The following DCAF8L2 variants were observed in gnomAD, a reference collection of about 807,000 sequenced individuals.
The protein encoded by DCAF8L2 is DDB1 and CUL4 associated factor 8 like 2.
For synonymous variants in DCAF8L2, 200 were observed against 190.9 expected, an observed-to-expected ratio of 1.05 and a Z score of -0.39; for missense variants, 430 against 490.7, an observed-to-expected ratio of 0.88 and a Z score of 1.17.
At chrX:27,660,572 G>T (rs1929522467) in intron 2 of DCAF8L2, among the ~76,000 whole-genome samples, 1 of 111,877 alleles carries the variant, frequency 8.9e-6, no homozygotes, top group Non-Finnish European at 1.9e-5. Flanking sequence ...TCCTGTGGAG[G>T]CTGTGGAGTG....
intron 2 of DCAF8L2, among the ~76,000 whole-genome samples, chrX:27,664,417 A>G (rs1377312223): frequency 8.9e-6 from 1 of 111,930 alleles, no homozygotes. Context: ...GAAGAAGAAA[A>G]GCTGGAAGCT....
At chrX:27,653,674 T>C (rs1602701722) in intron 2 of DCAF8L2, among the ~76,000 whole-genome samples, 1 of 108,673 alleles carries the variant, frequency 9.2e-6, no homozygotes, top group East Asian at 2.9e-4. Flanking sequence ...TATACATATA[T>C]AGAACTTTTA....
intron 3 of DCAF8L2, among the ~76,000 whole-genome samples, chrX:27,681,579 A>AATATTTTG (rs1411718232): frequency 8.9e-6 from 1 of 112,390 alleles, no homozygotes; most frequent in Non-Finnish European, 1.9e-5. Flanking sequence ...ATTTTGTTAC[A>AATATTTTG]TAAAATATAT....
intron 1 of DCAF8L2, among the ~76,000 whole-genome samples, chrX:27,623,612 C>CA (rs768308912): frequency 1.5e-4 from 16 of 107,403 alleles, no homozygotes; most frequent in South Asian, 1.2e-3. Flanking sequence ...TTACTGCCTA[C>CA]AAAAAAAAAT....
chrX:27,552,038 G>C, the DCAF8L2 span, among the ~76,000 whole-genome samples: 2 of 111,490 alleles, frequency 1.8e-5, no homozygotes, highest in Non-Finnish European at 3.8e-5. Flanking sequence ...TCTAACTGGG[G>C]TGCAGTGGTA....
the DCAF8L2 span, among the ~76,000 whole-genome samples, chrX:27,550,165 C>T: frequency 4.5e-5 from 5 of 112,052 alleles, no homozygotes; most frequent in Non-Finnish European, 9.4e-5. Flanking sequence ...ATTTGTCAGC[C>T]AGTTGGCAGG....
intron 3 of DCAF8L2, among the ~76,000 whole-genome samples, chrX:27,683,239 C>T (rs1057497091): frequency 2.7e-5 from 3 of 111,393 alleles, no homozygotes; most frequent in African/African-American, 9.8e-5. Flanking sequence ...CTGTTGAGAG[C>T]TTCAAATGCC....
chrX:27,595,714 A>G (rs1926321079), intron 1 of DCAF8L2, among the ~76,000 whole-genome samples: 1 of 112,311 alleles, frequency 8.9e-6, no homozygotes, highest in Non-Finnish European at 1.9e-5. Context: ...CTGCTTTAAA[A>G]ATGTTCCTTG....
intron 2 of DCAF8L2, chrX:27,632,618 T>G (rs903158237): frequency 1.5e-4 from 17 of 111,294 alleles, no homozygotes; most frequent in African/African-American, 3.9e-4. Context: ...AGAACATCCT[T>G]ACACAAGAGT....
chrX:27,643,882 A>G (rs940010549), intron 2 of DCAF8L2, among the ~76,000 whole-genome samples: 1 of 111,793 alleles, frequency 8.9e-6, no homozygotes, highest in Non-Finnish European at 1.9e-5. Context: ...GGTGACTAAC[A>G]TGCTAATATA....
rs1260169195 is a variant in DCAF8L2 at position 27,724,026 on chromosome X, C to A, written c.-59+7855C>A. On this transcript the variant is annotated intron_variant, in intron 4 of 4. Coordinates refer to ENST00000451261, the MANE Select transcript of DCAF8L2 (RefSeq NM_001353450.2). ...GCTAGTGAATATATTTTCATATTTG[C>A]ATATATTTGTATTAAACACTAGGAG... 2.7e-5 allele frequency among the ~76,000 whole-genome samples: 3 copies of A among 109,993 alleles called. No individual in the cohort carries two copies. In the South Asian group the frequency reaches 1.1e-3, roughly 42 times the overall value.
chrX:27,475,606 T>C, the DCAF8L2 span, among the ~76,000 whole-genome samples: 2 of 111,949 alleles, frequency 1.8e-5, no homozygotes, highest in Non-Finnish European at 3.8e-5. Flanking sequence ...CTCAGTTTCC[T>C]TTGTGATGTG....
At chrX:27,507,784 A>G in the DCAF8L2 span, among the ~76,000 whole-genome samples, 1 of 111,570 alleles carries the variant, frequency 9.0e-6, no homozygotes, top group East Asian at 2.8e-4. Flanking sequence ...TATATTTAAT[A>G]AAGTTCAGAG....
chrX:27,476,859 T>A, the DCAF8L2 span, among the ~76,000 whole-genome samples: 12 of 112,310 alleles, frequency 1.1e-4, no homozygotes, highest in Non-Finnish European at 1.7e-4. Context: ...TTTGTCTCTG[T>A]TTAATTCTGG....
chrX:27,666,363 T>G, intron 2 of DCAF8L2, among the ~76,000 whole-genome samples: 1 of 111,948 alleles, frequency 8.9e-6, no homozygotes, highest in Non-Finnish European at 1.9e-5. Context: ...AATATTATAT[T>G]TGAATACATG....
chrX:27,488,406 T>A, the DCAF8L2 span, among the ~76,000 whole-genome samples: 356 of 111,713 alleles, frequency 3.2e-3, 2 homozygotes, highest in African/African-American at 0.011. Context: ...TTATTTGACA[T>A]ATGATTTGTA....
In DCAF8L2 at chrX:27,747,264, G is replaced by A; in HGVS notation, c.369G>A (p.Glu123=). The A allele has an allele frequency of 8.8e-7, 1 of 1,140,350 alleles. No homozygotes were observed. The highest frequency in any genetic ancestry group is 1.2e-6 in the Non-Finnish European group (1 of 859,364). 94.0% of individuals were successfully genotyped at this position (1,140,350 alleles called of 1,213,427 possible). A position where few individuals can be genotyped will look rare whatever the true frequency, so the allele number is the denominator to read the frequency against. Reference sequence around the variant, plus strand: ...AGGAAGACGAAGAGATACAAGAGGAGGGAGGGGAGGAGGAGGAAGAGGAGG... The same window carrying A: ...AGGAAGACGAAGAGATACAAGAGGAAGGAGGGGAGGAGGAGGAAGAGGAGG... The part of the protein sequence containing the change: ...REEEDEEIQE[E]GGEEEEEEEE... The change falls in exon 5 of 5, where the codon GAG becomes GAA. Residue 123 remains glutamate, a synonymous_variant. Coordinates refer to ENST00000451261, the MANE Select transcript of DCAF8L2 (RefSeq NM_001353450.2).
chrX:27,485,722 A>G, the DCAF8L2 span, among the ~76,000 whole-genome samples: 2 of 110,856 alleles, frequency 1.8e-5, no homozygotes, highest in African/African-American at 3.3e-5. Context: ...AAAAAATCCT[A>G]TATTAATTGT....
chrX:27,576,076 A>G, the DCAF8L2 span, among the ~76,000 whole-genome samples: 1 of 112,568 alleles, frequency 8.9e-6, no homozygotes, highest in Admixed American at 9.4e-5. Flanking sequence ...CAATGCACCT[A>G]ATACATCTTC....
Sources: allele counts gnomAD v4.1 joint callset (sites outside exome capture counted in the v4.1 genomes callset), GRCh38; gene constraint gnomAD v4.1.1; transcripts MANE v1.5; gene names NCBI Gene and HGNC (gene_info 2026-07-23, HGNC 2026-07-21).